Variants in LSAMP observed in about 807,000 individuals in gnomAD.
LSAMP encodes limbic system-associated membrane protein.
In LSAMP, 7 loss-of-function variants were observed where a neutral mutation model predicts 38.6. That is an observed-to-expected ratio of 0.18 (90% CI 0.10 to 0.34). The LOEUF is 0.34. LSAMP is among the 10% of genes least tolerant of loss of function. The pLI, the probability that LSAMP is intolerant of heterozygous loss-of-function variation, is 1.00. For missense variants in LSAMP, 313 were observed against 420.0 expected, an observed-to-expected ratio of 0.75 and a Z score of 2.23; for synonymous variants, 154 against 166.8, an observed-to-expected ratio of 0.92 and a Z score of 0.59.
intron 2 of LSAMP, among the ~76,000 whole-genome samples, chr3:116,061,977 A>G (rs1053438158): frequency 1.3e-5 from 2 of 152,196 alleles, no homozygotes; most frequent in African/African-American, 2.4e-5. Flanking sequence ...ACTTACTCCA[A>G]ATAATTACAA....
At chr3:116,326,414 C>T (rs1200132221) in intron 1 of LSAMP, among the ~76,000 whole-genome samples, 1 of 152,148 alleles carries the variant, frequency 6.6e-6, no homozygotes, top group African/African-American at 2.4e-5. Flanking sequence ...CTGAACACAA[C>T]CATCCTCTAG....
chr3:115,961,215 C>T (rs1464271467), intron 3 of LSAMP, among the ~76,000 whole-genome samples: 1 of 152,190 alleles, frequency 6.6e-6, no homozygotes, highest in Non-Finnish European at 1.5e-5. Flanking sequence ...AAGATCTTCT[C>T]ATATTGTCAT....
At chr3:116,180,167 G>T (rs1260906787) in intron 1 of LSAMP, among the ~76,000 whole-genome samples, 1 of 152,038 alleles carries the variant, frequency 6.6e-6, no homozygotes, top group Non-Finnish European at 1.5e-5. Context: ...GCTATGCTTT[G>T]TCTTGGGGGT....
chr3:115,977,729 CAAA>C lies in LSAMP; in HGVS notation c.514+41783_514+41785del, dbSNP rs56833385. ...AGCAGGAATGAATACAACAGAACAC[CAAA>C]AAAAAAAAAAAAAAAATCTTTGTCT... is the stretch of plus-strand genomic sequence containing the variant. On this transcript the variant is annotated intron_variant, in intron 3 of 6. Coordinates refer to ENST00000490035, the MANE Select transcript of LSAMP (RefSeq NM_002338.5). 1.4e-3 allele frequency among the ~76,000 whole-genome samples: 183 copies of C among 129,762 alleles called. 1 individual carries two copies. The highest frequency in any genetic ancestry group is 3.0e-3 in the African/African-American group (114 of 37,668). The allele number at this position is 129,762 out of a possible 152,430, so 85.1% of individuals were successfully genotyped here.
At chr3:116,272,384 A>ATTGT (rs1362048946) in intron 1 of LSAMP, among the ~76,000 whole-genome samples, 1 of 152,118 alleles carries the variant, frequency 6.6e-6, no homozygotes, top group Non-Finnish European at 1.5e-5. Context: ...AGTTTCATTC[A>ATTGT]TTGTTTGATA....
At chr3:116,092,920 G>A (rs1349253808) in intron 1 of LSAMP, among the ~76,000 whole-genome samples, 1 of 152,138 alleles carries the variant, frequency 6.6e-6, no homozygotes, top group African/African-American at 2.4e-5. Flanking sequence ...ATTAATGGCT[G>A]TTAAAAAACA....
chr3:115,947,385 A>C lies in LSAMP; in HGVS notation c.514+72130T>G, dbSNP rs144320133. On this transcript the variant is annotated intron_variant, in intron 3 of 6. Transcript: ENST00000490035. The stretch of plus-strand genomic sequence containing the variant: ...ATTTGCAGATGGTATGATGCTGTGC[A>C]TGAACATATACAGAATACTACTGAG... Among the ~76,000 whole-genome samples the C allele has an allele frequency of 2.5e-3, 385 of 152,342 alleles. 1 individual carries two copies. The highest frequency in any genetic ancestry group is 9.0e-3 in the African/African-American group (374 of 41,590).
chr3:116,015,199 C>G (rs1044212400), intron 3 of LSAMP, among the ~76,000 whole-genome samples: 2 of 152,170 alleles, frequency 1.3e-5, no homozygotes, highest in Non-Finnish European at 1.5e-5. Context: ...GTTAAATCCT[C>G]AGTGTGCCTT....
intron 3 of LSAMP, among the ~76,000 whole-genome samples, chr3:115,997,136 A>G (rs142261079): frequency 6.6e-6 from 1 of 152,158 alleles, no homozygotes; most frequent in African/African-American, 2.4e-5. Context: ...GTTTCAATAC[A>G]TCTGGAATGG....
At chr3:116,290,199 T>C (rs1188445157) in intron 1 of LSAMP, among the ~76,000 whole-genome samples, 1 of 152,200 alleles carries the variant, frequency 6.6e-6, no homozygotes, top group Non-Finnish European at 1.5e-5. Flanking sequence ...ATGGTGACTT[T>C]CAAGAAAAGG....
chr3:115,908,140 A>G (rs935785967), intron 3 of LSAMP, among the ~76,000 whole-genome samples: 1 of 152,004 alleles, frequency 6.6e-6, no homozygotes, highest in Non-Finnish European at 1.5e-5. Flanking sequence ...GAAGAAACTA[A>G]TGCTACTTTT....
chr3:116,328,043 C>G (rs56042529), intron 1 of LSAMP, among the ~76,000 whole-genome samples: 3,123 of 152,194 alleles, frequency 0.021, 110 homozygotes, highest in African/African-American at 0.072. Flanking sequence ...ACTGCATTGT[C>G]TATAGTCTTT....
At chr3:116,242,151 G>A (rs1029666601) in intron 1 of LSAMP, among the ~76,000 whole-genome samples, 7 of 152,086 alleles carry the variant, frequency 4.6e-5, no homozygotes, top group African/African-American at 1.7e-4. Flanking sequence ...AGAATGAAGA[G>A]TAAAATAAAA....
chr3:116,162,007 C>A (rs1207365895), intron 1 of LSAMP, among the ~76,000 whole-genome samples: 1 of 151,468 alleles, frequency 6.6e-6, no homozygotes, highest in African/African-American at 2.4e-5. Flanking sequence ...TAACTCACCC[C>A]CAAGCAGAAA....
intron 3 of LSAMP, among the ~76,000 whole-genome samples, chr3:115,974,081 G>A (rs932981723): frequency 5.3e-5 from 8 of 151,872 alleles, no homozygotes; most frequent in Non-Finnish European, 8.8e-5. Flanking sequence ...AGAAATGGAG[G>A]GTAGTGTAAT....
At chr3:115,994,582 G>A (rs573272276) in intron 3 of LSAMP, among the ~76,000 whole-genome samples, 3 of 152,128 alleles carry the variant, frequency 2.0e-5, no homozygotes, top group Non-Finnish European at 2.9e-5. Context: ...ACTGCTGAAA[G>A]GTAGCCTCAT....
chr3:116,392,076 C>A (rs1418545403), intron 1 of LSAMP, among the ~76,000 whole-genome samples: 1 of 152,180 alleles, frequency 6.6e-6, no homozygotes, highest in East Asian at 1.9e-4. Flanking sequence ...AGATATCACA[C>A]CTGCCCTGAA....
At chr3:115,895,354 A>G (rs946405123) in intron 3 of LSAMP, among the ~76,000 whole-genome samples, 2 of 152,030 alleles carry the variant, frequency 1.3e-5, no homozygotes, top group Admixed American at 6.6e-5. Context: ...TAAAGGACCA[A>G]ACAGATGGGG....
chr3:115,845,388 G>A (rs1023844116), intron 4 of LSAMP, among the ~76,000 whole-genome samples: 1 of 152,152 alleles, frequency 6.6e-6, no homozygotes, highest in Non-Finnish European at 1.5e-5. Flanking sequence ...AGTTTCTGGA[G>A]CCACATGGTT....
Sources: gnomAD v4.1 joint callset for allele counts (sites outside exome capture counted in the v4.1 genomes callset) on GRCh38, gnomAD v4.1.1 for gene constraint, MANE v1.5 for transcripts, NCBI Gene and HGNC (gene_info 2026-07-23, HGNC 2026-07-21) for gene names.